TPTE2: variants seen among roughly 807,000 people sequenced by gnomAD.
TPTE2 encodes phosphatidylinositol 3,4,5-trisphosphate 3-phosphatase TPTE2.
Under a neutral mutation model 78.6 loss-of-function variants are expected in TPTE2, and 53 were observed. The observed-to-expected ratio is 0.67, with a 90% CI of 0.54 to 0.85. The LOEUF (loss-of-function observed/expected upper bound fraction) is 0.85. Among genes scored for constraint, TPTE2 ranks in the 40% least tolerant of loss-of-function variants. The pLI, the probability that TPTE2 is intolerant of heterozygous loss-of-function variation, is 0.00. For synonymous variants in TPTE2, 175 were observed against 206.2 expected (o/e 0.85, Z 1.30); for missense variants, 461 against 623.0 (o/e 0.74, Z 2.77).
chr13:19,443,397 C>CTTTTTTTTT (rs71092357), intron 13 of TPTE2, among the ~76,000 whole-genome samples: 8 of 129,908 alleles, frequency 6.2e-5, no homozygotes, highest in South Asian at 2.5e-4. Flanking sequence ...TTCTTTCTTT[C>CTTTTTTTTT]TTTTTTTTTT....
At chr13:19,500,404 C>A (rs1245729239) in intron 1 of TPTE2, among the ~76,000 whole-genome samples, 139 of 151,918 alleles carry the variant, frequency 9.1e-4, no homozygotes, top group Admixed American at 1.6e-3. Context: ...ATCCTCAATA[C>A]AATACTGGCA....
At chr13:19,470,887 TTTTA>T (rs57724907) in intron 6 of TPTE2, among the ~76,000 whole-genome samples, 22,541 of 139,466 alleles carry the variant, frequency 0.16, 2,301 homozygotes, top group African/African-American at 0.29. Flanking sequence ...GATCTTTTTA[TTTTA>T]TTTATTTATT....
chr13:19,485,816 T>G (rs1880631819), intron 3 of TPTE2, among the ~76,000 whole-genome samples: 1 of 152,032 alleles, frequency 6.6e-6, no homozygotes, highest in East Asian at 1.9e-4. Flanking sequence ...GTAAAGCCAT[T>G]GATTGTATTT....
At chr13:19,441,571 T>C (rs1230590153) in intron 13 of TPTE2, among the ~76,000 whole-genome samples, 2 of 152,212 alleles carry the variant, frequency 1.3e-5, no homozygotes, top group African/African-American at 2.4e-5. Context: ...CTTACAATTA[T>C]CTCAATTAAT....
intron 1 of TPTE2, among the ~76,000 whole-genome samples, chr13:19,518,560 C>A (rs1869947941): frequency 6.6e-6 from 1 of 152,152 alleles, no homozygotes; most frequent in Admixed American, 6.5e-5. Context: ...AATAAGAAAC[C>A]ATTAGATACC....
At chr13:19,508,042 T>A (rs978475044), upstream of TPTE2, among the ~76,000 whole-genome samples, 2 of 152,166 alleles carry the variant, frequency 1.3e-5, no homozygotes, top group African/African-American at 4.8e-5. Flanking sequence ...TGAGACTCTC[T>A]ACCCTGGGGC....
chr13:19,463,093 C>T (rs1259950595), intron 10 of TPTE2, among the ~76,000 whole-genome samples: 3 of 151,378 alleles, frequency 2.0e-5, no homozygotes, highest in African/African-American at 7.3e-5. Context: ...AAGCAATTCT[C>T]GTGTCTCAGC....
At chr13:19,520,092 T>TG (rs1251658576) in intron 1 of TPTE2, among the ~76,000 whole-genome samples, 2 of 152,110 alleles carry the variant, frequency 1.3e-5, no homozygotes, top group African/African-American at 4.8e-5. Flanking sequence ...ACATTGATCT[T>TG]ATATCTTTTG....
the TPTE2 span, among the ~76,000 whole-genome samples, chr13:19,553,264 G>A: frequency 1.3e-5 from 2 of 152,122 alleles, no homozygotes; most frequent in African/African-American, 4.8e-5. Context: ...CATATTACAT[G>A]TTTCAATAAC....
At chr13:19,529,635 CT>C (rs1870741751) in intron 1 of TPTE2, among the ~76,000 whole-genome samples, 2 of 152,128 alleles carry the variant, frequency 1.3e-5, no homozygotes, top group Admixed American at 1.3e-4. Context: ...CCTTCCCCTA[CT>C]TTCTTCTCCT....
At chr13:19,483,705 T>C (rs968752847) in intron 3 of TPTE2, among the ~76,000 whole-genome samples, 8 of 152,216 alleles carry the variant, frequency 5.3e-5, no homozygotes, top group African/African-American at 1.9e-4. Context: ...TTCTAGTTTC[T>C]TGAGGTAGAA....
the TPTE2 span, among the ~76,000 whole-genome samples, chr13:19,555,376 C>T: frequency 6.6e-6 from 1 of 152,234 alleles, no homozygotes; most frequent in East Asian, 1.9e-4. Flanking sequence ...CTCATTCAAT[C>T]GGTCAATTAA....
the TPTE2 span, among the ~76,000 whole-genome samples, chr13:19,545,189 T>G: frequency 6.6e-6 from 1 of 152,004 alleles, no homozygotes; most frequent in East Asian, 1.9e-4. Context: ...GAGAAGATAC[T>G]AAAACTCTCT....
chr13:19,509,565 T>C (rs766745775), intron 1 of TPTE2, among the ~76,000 whole-genome samples: 3 of 152,164 alleles, frequency 2.0e-5, no homozygotes, highest in Admixed American at 6.5e-5. Flanking sequence ...CAAGAAAATA[T>C]ATTTATATAG....
At chr13:19,507,188 G>A (rs1281201286), upstream of TPTE2, among the ~76,000 whole-genome samples, 1 of 151,606 alleles carries the variant, frequency 6.6e-6, no homozygotes, top group Admixed American at 6.6e-5. Flanking sequence ...ACTTCATTTG[G>A]GTCAGAGCTA....
chr13:19,536,007 G>A (rs899180348), intron 1 of TPTE2, among the ~76,000 whole-genome samples: 3 of 152,108 alleles, frequency 2.0e-5, no homozygotes, highest in Non-Finnish European at 4.4e-5. Flanking sequence ...TTATTAATAA[G>A]GAGAAGATTT....
intron 13 of TPTE2, among the ~76,000 whole-genome samples, chr13:19,439,337 T>C (rs915890552): frequency 6.6e-6 from 1 of 151,316 alleles, no homozygotes. Context: ...CAGAAGTGCA[T>C]AGGGCTGCAG....
intron 13 of TPTE2, among the ~76,000 whole-genome samples, chr13:19,441,993 G>A (rs1431493948): frequency 3.3e-5 from 5 of 152,136 alleles, no homozygotes; most frequent in African/African-American, 9.6e-5. Flanking sequence ...CCAAGGTAAG[G>A]ACAGAGGGTA....
At chr13:19,536,452 C>T (rs1405325132) in intron 1 of TPTE2, 1 of 152,146 alleles carries the variant, frequency 6.6e-6, no homozygotes, top group Admixed American at 6.6e-5. Context: ...CTGTGTGTCC[C>T]TCCTCAATCA....
Sources: allele counts gnomAD v4.1 joint callset (sites outside exome capture counted in the v4.1 genomes callset), GRCh38; gene constraint gnomAD v4.1.1; transcripts MANE v1.5; gene names NCBI Gene and HGNC (gene_info 2026-07-23, HGNC 2026-07-21).